CPEB2: variants seen among roughly 807,000 people sequenced by gnomAD.
CPEB2 encodes cytoplasmic polyadenylation element binding protein 2.
CPEB2 carries 56 observed loss-of-function variants against 93.6 expected under a neutral mutation model. That is an observed-to-expected ratio of 0.60 (90% CI 0.48 to 0.75). CPEB2 has a LOEUF of 0.75. Ranked by LOEUF, CPEB2 falls within the 30% of genes least tolerant of loss-of-function variation. The probability of loss-of-function intolerance (pLI) is 0.00; values close to 1 mark genes in which losing one functional copy is unlikely to be tolerated. For synonymous variants in CPEB2, 764 were observed against 586.3 expected (o/e 1.30, Z -4.38); for missense variants, 1,579 against 1,395.1 (o/e 1.13, Z -2.10).
chr4:15,029,368 G>A (rs1340191688), intron 4 of CPEB2, among the ~76,000 whole-genome samples: 1 of 151,986 alleles, frequency 6.6e-6, no homozygotes, highest in Non-Finnish European at 1.5e-5. Flanking sequence ...AATCGTAATA[G>A]ACGAATAAGA....
intron 4 of CPEB2, among the ~76,000 whole-genome samples, chr4:15,025,613 G>C (rs192965911): frequency 2.6e-4 from 40 of 151,788 alleles, no homozygotes; most frequent in East Asian, 1.2e-3. Context: ...CTTGTGAGCT[G>C]TAGGCCTAGC....
rs185745831 is a variant in CPEB2, at chr4:15,063,987, C to T, written c.2877+1727C>T. The stretch of plus-strand genomic sequence containing the variant: ...TTAAACCATTAACCTTTATACCTTT[C>T]ATCTCTCCAATATGAATATGGTTAT... On this transcript the variant is annotated intron_variant, in intron 11 of 11. Coordinates refer to ENST00000538197, the MANE Select transcript of CPEB2 (RefSeq NM_001177382.2). The T allele has an allele frequency of 4.6e-5, 7 of 152,208 alleles. 1 individual carries two copies. The highest frequency in any genetic ancestry group is 4.6e-4 in the Admixed American group (7 of 15,280). 9.4% of individuals were successfully genotyped at this position (152,208 alleles called of 1,614,324 possible). A position where few individuals can be genotyped will look rare whatever the true frequency, so the allele number is the denominator to read the frequency against.
At chr4:15,066,087 T>A in intron 11 of CPEB2, 66 bp from the exon 12 acceptor site, 2 of 1,366,488 alleles carry the variant, frequency 1.5e-6, no homozygotes, top group South Asian at 1.2e-5. Context: ...TAGAACATTT[T>A]AAGTTATTAC....
At position 15,051,529 on chromosome 4, in the gene CPEB2, CCTCACTATGTACTGCTATTTTT is replaced by C. The variant is rs201840133; in HGVS notation, c.2201-881_2201-860del. ...TATAGATATTCTCCTCTTTCTAATGCCTCACTATGTACTGCTATTTTTCTCTTTTTATCCCAAATGCTATTTA... is the reference window on the plus strand; with the variant it reads ...TATAGATATTCTCCTCTTTCTAATGCCTCTTTTTATCCCAAATGCTATTTA... On this transcript the variant is annotated intron_variant, in intron 6 of 11. Coordinates refer to ENST00000538197, the MANE Select transcript of CPEB2 (RefSeq NM_001177382.2). Among the ~76,000 whole-genome samples the C allele has an allele frequency of 1.9e-3, 288 of 152,294 alleles. 5 individuals carry two copies. In the East Asian group the frequency reaches 0.041, roughly 22 times the overall value.
chr4:15,025,518 C>T (rs1725352095), intron 4 of CPEB2, among the ~76,000 whole-genome samples: 1 of 151,804 alleles, frequency 6.6e-6, no homozygotes. Context: ...ATAAGTCAAT[C>T]AGGTGAGACC....
chr4:15,003,066 G>T lies in CPEB2; in HGVS notation c.393G>T (p.Val131=). The stretch of plus-strand genomic sequence containing the variant: ...CCGGCGGCGGCACGATCGCGGGTGT[G>T]ACCCACCTCCTCCCCTCCCAGGACT... ...HHPGGGTIAG[V]THLLPSQDFK... is the part of the protein sequence containing the mutation. Residue 131 remains valine (V), a synonymous_variant, in exon 1 of 12, where the codon GTG becomes GTT. Coordinates refer to ENST00000538197, the MANE Select transcript of CPEB2 (RefSeq NM_001177382.2). The T allele has an allele frequency of 6.6e-7, 1 of 1,525,412 alleles. No homozygotes were observed. The allele number at this position is 1,525,412 out of a possible 1,614,324, so 94.5% of individuals were successfully genotyped here.
Position 15,040,498 on chromosome 4 carries a change from TC to T in CPEB2, c.2200+12del. ...ATGGGCGAAGACGAGGTAATTCATT[TC>T]TGTTTGCTATGGTATAATTGTTTCT... On this transcript the variant is annotated intron_variant, in intron 6 of 11. Transcript: ENST00000538197. 6.5e-7 allele frequency: 1 copy of T among 1,535,756 alleles called. No homozygotes were observed. Among genetic ancestry groups the T allele is most frequent in the Non-Finnish European group, 8.7e-7 (1 of 1,146,386 alleles).
intron 3 of CPEB2, chr4:15,010,557 A>C (rs1055830138): frequency 6.6e-6 from 1 of 152,222 alleles, no homozygotes; most frequent in Admixed American, 6.5e-5. Flanking sequence ...TGAGCCTCTT[A>C]AAAATACAGC....
rs1301431488 is a variant in CPEB2 at position 15,004,159 on chromosome 4, G to A, written c.1486G>A (p.Ala496Thr). The change falls in exon 1 of 12, where the codon GCT (alanine) becomes ACT (threonine). Residue 496 changes from alanine to threonine, a missense_variant. Ala to Thr is a moderately conservative substitution (Grantham distance 58). This residue lies in a region of CPEB2 where 1,411 missense variants were observed against 1,056.0 expected (regional missense o/e 1.34). Transcript: ENST00000538197. Reference protein sequence around the residue: ...GGFGGPFSATAVPPPPPPAMN... With the variant: ...GGFGGPFSATTVPPPPPPAMN... ...CTTCGGCGGCCCCTTCTCGGCTACCGCTGTGCCCCCTCCGCCGCCGCCCGC... is the reference window on the plus strand; with the variant it reads ...CTTCGGCGGCCCCTTCTCGGCTACCACTGTGCCCCCTCCGCCGCCGCCCGC... 9 of 1,074,964 alleles carry A rather than the reference G, an allele frequency of 8.4e-6. No individual in the cohort carries two copies. The highest frequency in any genetic ancestry group is 9.5e-5 in the East Asian group (1 of 10,580). 66.6% of individuals were successfully genotyped at this position (1,074,964 alleles called of 1,614,324 possible). A position where few individuals can be genotyped will look rare whatever the true frequency, so the allele number is the denominator to read the frequency against.
intron 3 of CPEB2, among the ~76,000 whole-genome samples, chr4:15,011,935 G>GAATT (rs1470595706): frequency 7.0e-6 from 1 of 142,448 alleles, no homozygotes; most frequent in East Asian, 2.2e-4. Flanking sequence ...AAACTACCTT[G>GAATT]AATTAATTGA....
In CPEB2 at chr4:15,007,293, T is replaced by C; in HGVS notation, c.1663-12T>C. The C allele has an allele frequency of 7.0e-7, 1 of 1,429,204 alleles. No homozygotes were observed. The highest frequency in any genetic ancestry group is 9.2e-7 in the Non-Finnish European group (1 of 1,083,254). 88.5% of individuals were successfully genotyped at this position (1,429,204 alleles called of 1,614,324 possible). On this transcript the variant is annotated splice_polypyrimidine_tract_variant and intron_variant, in intron 1 of 11. Coordinates refer to ENST00000538197, the MANE Select transcript of CPEB2 (RefSeq NM_001177382.2). The stretch of plus-strand genomic sequence containing the variant: ...TTAAATGCCGCAATTTAAATAGCTA[T>C]GTTTTCCCTAGCCTCTTCTGAAACA...
Position 15,004,151 on chromosome 4 carries a change from C to T in CPEB2, c.1478C>T (p.Ser493Leu), listed in dbSNP as rs988940181. 28 of 1,381,808 alleles carry T rather than the reference C, an allele frequency of 2.0e-5. No homozygotes were observed. Among genetic ancestry groups the T allele is most frequent in the African/African-American group, 3.1e-5 (2 of 64,586 alleles). The allele number at this position is 1,381,808 out of a possible 1,614,324, so 85.6% of individuals were successfully genotyped here. A position where few individuals can be genotyped will look rare whatever the true frequency, so the allele number is the denominator to read the frequency against. The change falls in exon 1 of 12, where the codon TCG becomes TTG. Residue 493 changes from serine (S) to leucine (L), a missense_variant. Ser to Leu is a moderately radical substitution (Grantham distance 145). Transcript: ENST00000538197. ...GGCGGCGGCTTCGGCGGCCCCTTCT[C>T]GGCTACCGCTGTGCCCCCTCCGCCG... The part of the protein sequence containing the change: ...GGGGGFGGPF[S>L]ATAVPPPPPP...
At chr4:15,054,090 A>G in intron 7 of CPEB2, 38 bp from the exon 8 acceptor site, 1 of 1,403,588 alleles carries the variant, frequency 7.1e-7, no homozygotes, top group Non-Finnish European at 9.9e-7. Flanking sequence ...CGAATCACTG[A>G]AACTAATTTC....
chr4:15,012,053 A>G (rs962449542), intron 3 of CPEB2, among the ~76,000 whole-genome samples: 2 of 152,338 alleles, frequency 1.3e-5, no homozygotes, highest in Non-Finnish European at 1.5e-5. Context: ...CACCTTACAC[A>G]CAAAAAAACA....
intron 5 of CPEB2, among the ~76,000 whole-genome samples, chr4:15,034,253 A>G (rs1043947621): frequency 2.0e-5 from 3 of 152,200 alleles, no homozygotes; most frequent in East Asian, 1.9e-4. Flanking sequence ...TGAGAATCCT[A>G]CAGGATGGTT....
Position 15,003,488 on chromosome 4 carries a change from C to T in CPEB2, c.815C>T (p.Pro272Leu), listed in dbSNP as rs1289433370. The T allele has an allele frequency of 7.1e-6, 10 of 1,400,480 alleles. No individual in the cohort carries two copies. The highest frequency in any genetic ancestry group is 1.5e-5 in the South Asian group (1 of 65,096). 86.8% of individuals were successfully genotyped at this position (1,400,480 alleles called of 1,614,324 possible). A position where few individuals can be genotyped will look rare whatever the true frequency, so the allele number is the denominator to read the frequency against. Residue 272 changes from proline (P) to leucine (L), a missense_variant, in exon 1 of 12, where the codon CCG becomes CTG. By Grantham distance (98) the Pro-to-Leu change is moderately conservative (BLOSUM62 -3). This residue lies in a region of CPEB2 where 1,411 missense variants were observed against 1,056.0 expected (regional missense o/e 1.34). Coordinates refer to ENST00000538197, the MANE Select transcript of CPEB2 (RefSeq NM_001177382.2). ...CTCCCTCCCTCGCCGCCTGCAGCCC[C>T]GCGGCGCCGCCACGGAGGCGCGGGC... The part of the protein sequence containing the change: ...PQLPPSPPAA[P>L]RRRHGGAGSP...
At position 15,003,344 on chromosome 4, in the gene CPEB2, T is replaced by A; in HGVS notation, c.671T>A (p.Leu224His). 7.2e-7 allele frequency: 1 copy of A among 1,396,322 alleles called. No individual in the cohort carries two copies. Among genetic ancestry groups the A allele is most frequent in the African/African-American group, 1.5e-5 (1 of 65,276 alleles). 86.5% of individuals were successfully genotyped at this position (1,396,322 alleles called of 1,614,324 possible). A position where few individuals can be genotyped will look rare whatever the true frequency, so the allele number is the denominator to read the frequency against. ...PAGPLLQPAQ[L>H]AQRQQQQPPQ... The stretch of plus-strand genomic sequence containing the variant: ...GGCCCGCTCCTCCAGCCGGCGCAGC[T>A]CGCTCAGCGCCAGCAGCAACAGCCG... The change falls in exon 1 of 12, where the codon CTC (leucine) becomes CAC (histidine). Residue 224 changes from leucine (L) to histidine (H), a missense_variant. Physicochemically the swap from Leu to His is moderately conservative, Grantham distance 99. Coordinates refer to ENST00000538197, the MANE Select transcript of CPEB2 (RefSeq NM_001177382.2).
intron 4 of CPEB2, among the ~76,000 whole-genome samples, chr4:15,026,699 T>A (rs892213989): frequency 1.1e-4 from 16 of 152,354 alleles, no homozygotes; most frequent in African/African-American, 3.6e-4. Context: ...TCATAATTCA[T>A]ACTCTTCAAA....
chr4:15,023,787 T>A (rs1187445930), intron 4 of CPEB2, among the ~76,000 whole-genome samples: 2 of 151,766 alleles, frequency 1.3e-5, no homozygotes, highest in East Asian at 1.9e-4. Flanking sequence ...TATTTGTAAA[T>A]AATATGCTTG....
Sources: allele counts gnomAD v4.1 joint callset (sites outside exome capture counted in the v4.1 genomes callset), GRCh38; gene constraint gnomAD v4.1.1; regional missense constraint gnomAD v4.1.1; transcripts MANE v1.5; gene names NCBI Gene and HGNC (gene_info 2026-07-23, HGNC 2026-07-21).